The following ERBB4 variants were observed in gnomAD, a reference collection of about 807,000 sequenced individuals.
ERBB4 encodes the protein receptor tyrosine-protein kinase erbB-4.
Under a neutral mutation model 158.0 loss-of-function variants are expected in ERBB4, and 42 were observed. The observed-to-expected ratio is 0.27, with a 90% CI of 0.21 to 0.34. The LOEUF (loss-of-function observed/expected upper bound fraction) is 0.34, where lower values mean the gene tolerates loss of function less well. Among genes scored for constraint, ERBB4 ranks in the 10% least tolerant of loss-of-function variants. ERBB4 has a pLI of 1.00. For synonymous variants in ERBB4, 583 were observed against 558.7 expected (o/e 1.04, Z -0.61); for missense variants, 1,333 against 1,624.1 (o/e 0.82, Z 3.08).
At chr2:211,515,983 C>G (rs184421139) in intron 20 of ERBB4, among the ~76,000 whole-genome samples, 2 of 139,982 alleles carry the variant, frequency 1.4e-5, no homozygotes, top group African/African-American at 5.3e-5. Flanking sequence ...GGCCTGATCT[C>G]GACTCACTGC....
chr2:212,320,967 A>G (rs1219519157), intron 1 of ERBB4, among the ~76,000 whole-genome samples: 4 of 150,224 alleles, frequency 2.7e-5, no homozygotes, highest in Non-Finnish European at 6.0e-5. Context: ...TTGTTTTTAT[A>G]TTTTTATTTT....
chr2:212,436,747 A>C (rs193202530), intron 1 of ERBB4, among the ~76,000 whole-genome samples: 28 of 152,230 alleles, frequency 1.8e-4, no homozygotes, highest in Admixed American at 1.5e-3. Context: ...GTAAACCTTC[A>C]AACAGTAATC....
At chr2:211,900,389 C>A (rs971473390) in intron 3 of ERBB4, among the ~76,000 whole-genome samples, 1 of 151,866 alleles carries the variant, frequency 6.6e-6, no homozygotes, top group Non-Finnish European at 1.5e-5. Context: ...CACACACACA[C>A]ACACACACAC....
chr2:212,528,422 G>A lies in ERBB4; in HGVS notation c.82+10027C>T, dbSNP rs1692569484. On this transcript the variant is annotated intron_variant, in intron 1 of 27. Coordinates refer to ENST00000342788, the MANE Select transcript of ERBB4 (RefSeq NM_005235.3). ...CATTACATACTACTTCGTATCTCTA[G>A]TCCCTCATCTACAAAATAGGAGCAT... is the stretch of plus-strand genomic sequence containing the variant. 2.0e-5 allele frequency among the ~76,000 whole-genome samples: 3 copies of A among 152,194 alleles called. No individual in the cohort carries two copies. The South Asian group carries it at 6.2e-4, about 32-fold the overall frequency.
intron 12 of ERBB4, among the ~76,000 whole-genome samples, chr2:211,686,345 G>T (rs1398333279): frequency 6.6e-6 from 1 of 152,010 alleles, no homozygotes; most frequent in Non-Finnish European, 1.5e-5. Context: ...TGCTTTTTCT[G>T]TATCAATTGA....
chr2:212,005,863 T>C (rs779705243), intron 2 of ERBB4, among the ~76,000 whole-genome samples: 2 of 152,134 alleles, frequency 1.3e-5, no homozygotes, highest in Admixed American at 6.6e-5. Flanking sequence ...AGGCGGGAGA[T>C]TGTTTGAATC....
intron 1 of ERBB4, among the ~76,000 whole-genome samples, chr2:212,418,605 C>T (rs1011632387): frequency 5.3e-5 from 8 of 150,810 alleles, no homozygotes; most frequent in African/African-American, 1.9e-4. Flanking sequence ...TCATAAGAAC[C>T]ATTATAAAAA....
At chr2:211,484,254 T>C (rs2065151071) in intron 20 of ERBB4, among the ~76,000 whole-genome samples, 1 of 151,982 alleles carries the variant, frequency 6.6e-6, no homozygotes, top group African/African-American at 2.4e-5. Context: ...AAAGTACACA[T>C]AGGGAGAATA....
At chr2:212,460,651 G>A (rs2101151) in intron 1 of ERBB4, among the ~76,000 whole-genome samples, 25,712 of 152,098 alleles carry the variant, frequency 0.17, 2,495 homozygotes, top group African/African-American at 0.25. Context: ...CAAAGCCTTC[G>A]AGAAGTGACT....
At chr2:211,518,328 A>C (rs2066091740) in intron 20 of ERBB4, among the ~76,000 whole-genome samples, 1 of 152,114 alleles carries the variant, frequency 6.6e-6, no homozygotes, top group Admixed American at 6.5e-5. Flanking sequence ...AGAACAATTC[A>C]TTAAGTTTGT....
At chr2:211,517,695 T>A (rs768135948) in intron 20 of ERBB4, among the ~76,000 whole-genome samples, 1 of 152,250 alleles carries the variant, frequency 6.6e-6, no homozygotes, top group Non-Finnish European at 1.5e-5. Context: ...AGAAAGCGAA[T>A]CACTGTGCTT....
chr2:212,007,466 A>T (rs1414381238), intron 2 of ERBB4, among the ~76,000 whole-genome samples: 1 of 151,894 alleles, frequency 6.6e-6, no homozygotes, highest in East Asian at 1.9e-4. Context: ...ATAATTACAT[A>T]TGAAAGGAAA....
intron 20 of ERBB4, among the ~76,000 whole-genome samples, chr2:211,476,123 T>C (rs556888003): frequency 3.9e-5 from 6 of 152,108 alleles, no homozygotes; most frequent in African/African-American, 1.2e-4. Context: ...CTTGATAGAC[T>C]GACTTTAGAA....
At chr2:211,706,712 C>T (rs2073458177) in intron 9 of ERBB4, among the ~76,000 whole-genome samples, 1 of 151,918 alleles carries the variant, frequency 6.6e-6, no homozygotes, top group South Asian at 2.1e-4. Context: ...TTATACTAGG[C>T]TCAAATACTG....
chr2:212,376,148 A>C (rs1459159744), intron 1 of ERBB4, among the ~76,000 whole-genome samples: 1 of 152,086 alleles, frequency 6.6e-6, no homozygotes, highest in Non-Finnish European at 1.5e-5. Context: ...GCAACTTTCC[A>C]CTCGATGGGT....
intron 5 of ERBB4, among the ~76,000 whole-genome samples, chr2:211,729,746 A>G (rs1186576429): frequency 1.3e-5 from 2 of 151,954 alleles, no homozygotes; most frequent in Non-Finnish European, 2.9e-5. Flanking sequence ...GTCAGCCTCT[A>G]TAGGAACATT....
intron 3 of ERBB4, among the ~76,000 whole-genome samples, chr2:211,877,879 G>A (rs761258617): frequency 1.3e-5 from 2 of 152,104 alleles, no homozygotes; most frequent in African/African-American, 2.4e-5. Flanking sequence ...AGGCCGAGGC[G>A]GGCGGGTCAC....
intron 1 of ERBB4, among the ~76,000 whole-genome samples, chr2:212,135,335 T>A (rs2080239674): frequency 6.6e-6 from 1 of 152,166 alleles, no homozygotes; most frequent in Admixed American, 6.5e-5. Flanking sequence ...GGTTTTTGAG[T>A]AGTCTACCTT....
intron 4 of ERBB4, among the ~76,000 whole-genome samples, chr2:211,768,416 G>A (rs1170258246): frequency 6.6e-6 from 1 of 152,230 alleles, no homozygotes; most frequent in African/African-American, 2.4e-5. Context: ...CCTCAGTAGG[G>A]ACTCTGTGTG....
Sources: gnomAD v4.1 joint callset for allele counts (sites outside exome capture counted in the v4.1 genomes callset) on GRCh38, gnomAD v4.1.1 for gene constraint, MANE v1.5 for transcripts, NCBI Gene and HGNC (gene_info 2026-07-23, HGNC 2026-07-21) for gene names.